The following MARCHF1 variants were observed in gnomAD, a reference collection of about 807,000 sequenced individuals.
MARCHF1 encodes E3 ubiquitin-protein ligase MARCHF1.
In MARCHF1, 40 loss-of-function variants were observed where a neutral mutation model predicts 54.2. That is an observed-to-expected ratio of 0.74 (90% CI 0.57 to 0.96). The LOEUF (loss-of-function observed/expected upper bound fraction) is 0.96, where lower values mean the gene tolerates loss of function less well. MARCHF1 is among the 40% of genes least tolerant of loss of function. The pLI, the probability that MARCHF1 is intolerant of heterozygous loss-of-function variation, is 0.00. For missense variants in MARCHF1, 586 were observed against 656.5 expected, an observed-to-expected ratio of 0.89 and a Z score of 1.17; for synonymous variants, 236 against 236.3, an observed-to-expected ratio of 1.00 and a Z score of 0.01.
At chr4:163,756,133 C>G (rs578056093) in intron 4 of MARCHF1, among the ~76,000 whole-genome samples, 12 of 152,282 alleles carry the variant, frequency 7.9e-5, no homozygotes, top group African/African-American at 2.6e-4. Context: ...AACTTTGATA[C>G]TTTCACATAC....
intron 3 of MARCHF1, among the ~76,000 whole-genome samples, chr4:163,976,437 T>A (rs78940305): frequency 0.012 from 1,882 of 152,124 alleles, 42 homozygotes; most frequent in African/African-American, 0.043. Flanking sequence ...AAAGAAGAAA[T>A]ATAAATAACT....
intron 1 of MARCHF1, among the ~76,000 whole-genome samples, chr4:164,334,402 A>G (rs1228924071): frequency 6.6e-6 from 1 of 152,198 alleles, no homozygotes; most frequent in Non-Finnish European, 1.5e-5. Context: ...GCCCTTAAGA[A>G]TTATACTAAA....
chr4:163,738,358 C>T lies in MARCHF1; in HGVS notation c.112-37495G>A, dbSNP rs529867756. Among the ~76,000 whole-genome samples the T allele has an allele frequency of 3.0e-4, 45 of 152,230 alleles. 1 individual carries two copies. The South Asian group carries it at 8.3e-3, about 28-fold the overall frequency. On this transcript the variant is annotated intron_variant, in intron 4 of 9. Transcript: ENST00000514618. The stretch of plus-strand genomic sequence containing the variant: ...GAACAAAGATGAGTGCTTTTGGGTT[C>T]GGGCTTCTGTTTCCCTCATGCCTTA...
rs181328501 is a variant in MARCHF1, at chr4:164,076,663, A to T, written c.-248+34925T>A. ...CATTGCCTGAGCCCCAAATCTCCTT[A>T]ATCTGATAAGAAACTTCAGCCAAGT... On this transcript the variant is annotated intron_variant, in intron 2 of 9. Transcript: ENST00000514618. 2.2e-3 allele frequency among the ~76,000 whole-genome samples: 329 copies of T among 152,328 alleles called. 1 individual carries two copies. The highest frequency in any genetic ancestry group is 5.8e-3 in the Admixed American group (88 of 15,304).
intron 1 of MARCHF1, among the ~76,000 whole-genome samples, chr4:164,256,827 C>A (rs1733302825): frequency 6.6e-6 from 1 of 152,166 alleles, no homozygotes; most frequent in Non-Finnish European, 1.5e-5. Flanking sequence ...TAAACTGGTA[C>A]AGTCCATTTG....
intron 4 of MARCHF1, among the ~76,000 whole-genome samples, chr4:163,704,020 G>A (rs1353194147): frequency 6.6e-6 from 1 of 151,654 alleles, no homozygotes; most frequent in Non-Finnish European, 1.5e-5. Flanking sequence ...TACACAACAT[G>A]ACTGGACATG....
intron 3 of MARCHF1, among the ~76,000 whole-genome samples, chr4:163,896,731 G>A (rs1375696287): frequency 6.6e-6 from 1 of 152,150 alleles, no homozygotes; most frequent in East Asian, 1.9e-4. Context: ...GCTTGTAAAA[G>A]AGAATTGAAC....
In MARCHF1 at chr4:163,531,363, GA is replaced by G. The variant is rs1018798686; in HGVS notation, c.1340-2318del. ...AATGTAATCACATCAATTAGCTAAA[GA>G]AAAATGTGAATATATCAATAAGTGC... On this transcript the variant is annotated intron_variant, in intron 9 of 9. Coordinates refer to ENST00000514618, the MANE Select transcript of MARCHF1 (RefSeq NM_001394959.1). Among the ~76,000 whole-genome samples, 116 of 151,876 alleles carry G rather than the reference GA, an allele frequency of 7.6e-4. 1 individual carries two copies. The highest frequency in any genetic ancestry group is 2.7e-3 in the African/African-American group (113 of 41,508).
chr4:164,067,401 C>G (rs959682815), intron 2 of MARCHF1, among the ~76,000 whole-genome samples: 4 of 152,034 alleles, frequency 2.6e-5, no homozygotes, highest in African/African-American at 9.7e-5. Flanking sequence ...ACCAATGGAA[C>G]AGAATAGAAA....
intron 4 of MARCHF1, among the ~76,000 whole-genome samples, chr4:163,707,918 G>A (rs893093646): frequency 6.6e-6 from 1 of 150,926 alleles, no homozygotes; most frequent in African/African-American, 2.4e-5. Context: ...CTTTTCTGTT[G>A]TGCCATCTGA....
At chr4:164,101,268 A>G (rs2111157994) in intron 2 of MARCHF1, among the ~76,000 whole-genome samples, 1 of 152,098 alleles carries the variant, frequency 6.6e-6, no homozygotes, top group East Asian at 1.9e-4. Context: ...ACCACAGCTC[A>G]AGGAGGCCTG....
At chr4:164,166,038 T>G (rs1290946846) in intron 1 of MARCHF1, among the ~76,000 whole-genome samples, 5 of 151,968 alleles carry the variant, frequency 3.3e-5, no homozygotes, top group Non-Finnish European at 5.9e-5. Context: ...TTCAGAAAAC[T>G]TTTAAAAATT....
At chr4:164,350,356 G>A (rs982746036) in intron 1 of MARCHF1, among the ~76,000 whole-genome samples, 2 of 152,114 alleles carry the variant, frequency 1.3e-5, no homozygotes, top group African/African-American at 2.4e-5. Context: ...GGAAGGGTTG[G>A]GGGGAAGGGA....
intron 2 of MARCHF1, among the ~76,000 whole-genome samples, chr4:164,072,977 G>A (rs1407370145): frequency 5.9e-5 from 9 of 152,238 alleles, no homozygotes; most frequent in East Asian, 3.9e-4. Context: ...AGAGCCTCAC[G>A]GCAACTGTTT....
chr4:164,261,963 G>A (rs1733478703), intron 1 of MARCHF1, among the ~76,000 whole-genome samples: 1 of 151,842 alleles, frequency 6.6e-6, no homozygotes, highest in Non-Finnish European at 1.5e-5. Flanking sequence ...TTAGGTGGAT[G>A]TTGTGGGTGT....
At chr4:164,333,615 G>A (rs1269449044) in intron 1 of MARCHF1, among the ~76,000 whole-genome samples, 3 of 152,196 alleles carry the variant, frequency 2.0e-5, no homozygotes, top group South Asian at 2.1e-4. Flanking sequence ...CTCCAACTCC[G>A]TCCCTCTCCT....
At chr4:163,956,230 C>A (rs1579420290) in intron 3 of MARCHF1, among the ~76,000 whole-genome samples, 2 of 152,240 alleles carry the variant, frequency 1.3e-5, no homozygotes, top group East Asian at 1.9e-4. Context: ...AAAGTCTGCT[C>A]AAATCATAGT....
intron 3 of MARCHF1, among the ~76,000 whole-genome samples, chr4:163,905,144 G>A (rs931311212): frequency 6.6e-6 from 1 of 152,008 alleles, no homozygotes; most frequent in Non-Finnish European, 1.5e-5. Context: ...ATTAGAGGAG[G>A]CAGGTGTTTC....
At chr4:163,732,337 C>T (rs112158357) in intron 4 of MARCHF1, among the ~76,000 whole-genome samples, 48 of 151,776 alleles carry the variant, frequency 3.2e-4, no homozygotes, top group African/African-American at 1.1e-3. Context: ...AGACATAGTG[C>T]AAACATTTAA....
Sources: gnomAD v4.1 joint callset for allele counts (sites outside exome capture counted in the v4.1 genomes callset) on GRCh38, gnomAD v4.1.1 for gene constraint, MANE v1.5 for transcripts, NCBI Gene and HGNC (gene_info 2026-07-23, HGNC 2026-07-21) for gene names.